The following GRIP1 variants were observed in gnomAD, a reference collection of about 807,000 sequenced individuals.
GRIP1 encodes the protein glutamate receptor-interacting protein 1.
A neutral mutation model predicts 129.9 loss-of-function variants in GRIP1; 45 were observed. The ratio of observed to expected loss-of-function variants is 0.35; its 90% confidence interval spans 0.27 to 0.44. The LOEUF (loss-of-function observed/expected upper bound fraction) is 0.44, where lower values mean the gene tolerates loss of function less well. Among genes scored for constraint, GRIP1 ranks in the 20% least tolerant of loss-of-function variants. The pLI is 1.00. For missense variants in GRIP1, 1,196 were observed against 1,396.8 expected (o/e 0.86, Z 2.29); for synonymous variants, 530 against 520.8 (o/e 1.02, Z -0.24).
rs556233423 is a variant in GRIP1, at chr12:66,982,540, C to T, written c.58+86510G>A. Among the ~76,000 whole-genome samples the T allele has an allele frequency of 3.9e-5, 6 of 152,274 alleles. No individual in the cohort carries two copies. The East Asian group carries it at 1.2e-3, about 29-fold the overall frequency. On this transcript the variant is annotated intron_variant, in intron 1 of 1. Coordinates refer to the GRIP1 transcript ENST00000643019. Reference sequence around the variant, plus strand: ...TGCTCAGTGGGAGGGAAATCATCTACCATGTTATGATCTGCCCTGTGGAAG... The same window carrying T: ...TGCTCAGTGGGAGGGAAATCATCTATCATGTTATGATCTGCCCTGTGGAAG...
At chr12:67,024,132 T>TA (rs199980194) in intron 1 of GRIP1, among the ~76,000 whole-genome samples, 1 of 133,572 alleles carries the variant, frequency 7.5e-6, no homozygotes, top group Non-Finnish European at 1.7e-5. Flanking sequence ...AACAAATAGT[T>TA]AAAATTATCA....
chr12:66,433,572 A>G (rs1351672613), intron 13 of GRIP1, among the ~76,000 whole-genome samples: 4 of 152,214 alleles, frequency 2.6e-5, no homozygotes, highest in African/African-American at 9.7e-5. Flanking sequence ...TTTTATCCAG[A>G]CCTAATTAAT....
intron 1 of GRIP1, among the ~76,000 whole-genome samples, chr12:67,053,315 T>C (rs1012425363): frequency 1.3e-5 from 2 of 152,216 alleles, no homozygotes; most frequent in Non-Finnish European, 2.9e-5. Flanking sequence ...AAGTATAGAA[T>C]ATCTCTTTCC....
intron 1 of GRIP1, among the ~76,000 whole-genome samples, chr12:67,045,724 G>A (rs1333015008): frequency 1.3e-5 from 2 of 152,216 alleles, no homozygotes; most frequent in African/African-American, 4.8e-5. Flanking sequence ...TGGAGTGGCA[G>A]TGGGGCAGTC....
At chr12:66,493,029 T>C (rs1565796878) in intron 7 of GRIP1, among the ~76,000 whole-genome samples, 1 of 63,180 alleles carries the variant, frequency 1.6e-5, no homozygotes. Flanking sequence ...AAACAAAAAA[T>C]TAGGTGGGCT....
intron 1 of GRIP1, among the ~76,000 whole-genome samples, chr12:66,827,385 TGTGAGAGAGA>T (rs1369218401): frequency 7.1e-4 from 51 of 71,576 alleles, no homozygotes; most frequent in South Asian, 3.6e-3. Flanking sequence ...TGTGTGTGTG[TGTGAGAGAGA>T]GAGAGAGAGA....
intron 1 of GRIP1, among the ~76,000 whole-genome samples, chr12:66,977,064 C>G (rs1357369100): frequency 6.6e-6 from 1 of 152,124 alleles, no homozygotes; most frequent in Non-Finnish European, 1.5e-5. Flanking sequence ...ATTTCGGAAA[C>G]AGAAGCAGGT....
At chr12:66,352,584 T>C (rs1314022796) in intron 24 of GRIP1, among the ~76,000 whole-genome samples, 4 of 151,884 alleles carry the variant, frequency 2.6e-5, no homozygotes, top group Non-Finnish European at 5.9e-5. Context: ...AATACAAAAA[T>C]TAGCCACGCA....
chr12:66,445,282 C>T lies in GRIP1; in HGVS notation c.1541+40G>A, dbSNP rs150265983. On this transcript the variant is annotated intron_variant, in intron 12 of 24. Transcript: ENST00000359742. ...ATTCAAAGATAGCAGGTACCAGAAACGCAGAGCAGAAAATGATGCTGTGAA... is the reference window on the plus strand; with the variant it reads ...ATTCAAAGATAGCAGGTACCAGAAATGCAGAGCAGAAAATGATGCTGTGAA... The T allele has an allele frequency of 6.3e-4, 959 of 1,533,790 alleles. 6 individuals carry two copies. The African/African-American group carries it at 0.01, about 17-fold the overall frequency.
chr12:66,527,419 C>T (rs1192276780), intron 5 of GRIP1, among the ~76,000 whole-genome samples: 5 of 151,830 alleles, frequency 3.3e-5, no homozygotes, highest in East Asian at 1.9e-4. Flanking sequence ...AGCAAACTAT[C>T]GCAAGGACAA....
chr12:66,747,569 C>T (rs7309118), intron 1 of GRIP1, among the ~76,000 whole-genome samples: 122,544 of 152,072 alleles, frequency 0.81, 49,517 homozygotes, highest in East Asian at 0.92. Context: ...TTCAGGCCAA[C>T]AGGGAATGGA....
At chr12:66,514,430 T>C (rs1038199696) in intron 7 of GRIP1, among the ~76,000 whole-genome samples, 1 of 152,126 alleles carries the variant, frequency 6.6e-6, no homozygotes, top group Non-Finnish European at 1.5e-5. Context: ...AATCAAATCA[T>C]GTGCTCCAAA....
intron 1 of GRIP1, among the ~76,000 whole-genome samples, chr12:66,639,421 C>A (rs992426745): frequency 6.6e-6 from 1 of 152,098 alleles, no homozygotes; most frequent in Non-Finnish European, 1.5e-5. Flanking sequence ...TGTGAAAGCA[C>A]ACAGCATAGA....
intron 1 of GRIP1, among the ~76,000 whole-genome samples, chr12:66,925,666 C>T (rs755424511): frequency 3.3e-5 from 5 of 152,070 alleles, no homozygotes; most frequent in African/African-American, 4.8e-5. Context: ...TTTTTTCAGA[C>T]GGAGTTTCAC....
intron 1 of GRIP1, among the ~76,000 whole-genome samples, chr12:66,965,305 T>C (rs1202091739): frequency 6.6e-6 from 1 of 152,118 alleles, no homozygotes; most frequent in African/African-American, 2.4e-5. Context: ...AGAGATGAAA[T>C]CTACTTAAGC....
chr12:66,557,089 T>G (rs865845952), intron 2 of GRIP1, among the ~76,000 whole-genome samples: 2 of 151,980 alleles, frequency 1.3e-5, no homozygotes, highest in African/African-American at 4.8e-5. Context: ...AGAAACACAC[T>G]TCACCTATAA....
At chr12:66,988,792 C>G (rs778628441) in intron 1 of GRIP1, among the ~76,000 whole-genome samples, 1 of 152,010 alleles carries the variant, frequency 6.6e-6, no homozygotes, top group African/African-American at 2.4e-5. Flanking sequence ...TCCAGTTACT[C>G]AAGAGGGAGT....
intron 1 of GRIP1, among the ~76,000 whole-genome samples, chr12:66,988,167 T>C (rs1451700620): frequency 1.3e-5 from 2 of 152,232 alleles, no homozygotes; most frequent in Non-Finnish European, 2.9e-5. Context: ...TCTTTCTTGA[T>C]AGTGTGAAAT....
At chr12:67,043,891 A>C (rs900616265) in intron 1 of GRIP1, among the ~76,000 whole-genome samples, 50 of 152,272 alleles carry the variant, frequency 3.3e-4, no homozygotes, top group African/African-American at 1.2e-3. Flanking sequence ...AAAAAGGAGA[A>C]TCTCTAATGT....
Sources: gnomAD v4.1 joint callset for allele counts (sites outside exome capture counted in the v4.1 genomes callset) on GRCh38, gnomAD v4.1.1 for gene constraint, MANE v1.5 for transcripts, NCBI Gene and HGNC (gene_info 2026-07-23, HGNC 2026-07-21) for gene names.